Variants in CD48 observed in about 807,000 individuals in gnomAD.
CD48 encodes CD48 molecule, also known as CD48 antigen.
CD48 carries 20 observed loss-of-function variants against 22.0 expected under a neutral mutation model. The ratio of observed to expected loss-of-function variants is 0.91; its 90% CI spans 0.64 to 1.32. The LOEUF (loss-of-function observed/expected upper bound fraction) is 1.32. CD48 is among the 40% of genes most tolerant of loss of function. The pLI, the probability that CD48 is intolerant of heterozygous loss-of-function variation, is 0.00. For synonymous variants in CD48, 110 were observed against 110.1 expected, an observed-to-expected ratio of 1.00 and a Z score of 0.01; for missense variants, 307 against 286.5, an observed-to-expected ratio of 1.07 and a Z score of -0.52.
chr1:160,697,112 C>A (rs1032916821), intron 1 of CD48, among the ~76,000 whole-genome samples: 13 of 152,188 alleles, frequency 8.5e-5, no homozygotes, highest in African/African-American at 3.1e-4. Context: ...TGCAGAACAT[C>A]TTACTGGTAA....
chr1:160,696,132 C>T (rs1486995506), intron 1 of CD48, among the ~76,000 whole-genome samples: 1 of 152,250 alleles, frequency 6.6e-6, no homozygotes, highest in Non-Finnish European at 1.5e-5. Flanking sequence ...CTGATGGTTC[C>T]AGCAATGGAA....
chr1:160,701,458 T>C (rs138751495), intron 1 of CD48, among the ~76,000 whole-genome samples: 3,007 of 151,996 alleles, frequency 0.02, 64 homozygotes, highest in Middle Eastern at 0.037. Flanking sequence ...GAGTTTTAGG[T>C]TTCCATTGTA....
intron 1 of CD48, among the ~76,000 whole-genome samples, chr1:160,698,384 A>G (rs897061107): frequency 4.5e-4 from 68 of 152,318 alleles, no homozygotes; most frequent in African/African-American, 1.6e-3. Context: ...AAATAGATCC[A>G]AAAGATTCAT....
rs370612487 is a variant in CD48, at chr1:160,678,787, A to G, written c.*265T>C. ...TTATATCAAATGTTTATTTTAAAAA[A>G]TAATAAAACATTCACATAATGTTGT... On this transcript the variant is annotated 3_prime_UTR_variant, in exon 4 of 4. Coordinates refer to ENST00000368046, the MANE Select transcript of CD48 (RefSeq NM_001778.4). The G allele has an allele frequency of 3.8e-5, 12 of 313,632 alleles. No individual in the cohort carries two copies. The highest frequency in any genetic ancestry group is 3.4e-4 in the South Asian group (5 of 14,504). The allele number at this position is 313,632 out of a possible 1,614,324, so 19.4% of individuals were successfully genotyped here.
intron 1 of CD48, among the ~76,000 whole-genome samples, chr1:160,696,627 G>A (rs1045418860): frequency 6.6e-6 from 1 of 151,640 alleles, no homozygotes; most frequent in East Asian, 1.9e-4. Flanking sequence ...CCACTCAAGA[G>A]GCAGGAGTTA....
chr1:160,686,126 A>G (rs950626093), intron 1 of CD48, among the ~76,000 whole-genome samples: 1 of 152,064 alleles, frequency 6.6e-6, no homozygotes, highest in African/African-American at 2.4e-5. Context: ...TTTTACAGAG[A>G]AAGGCTCAAG....
Position 160,678,749 on chromosome 1 carries a change from A to G in CD48, c.*303T>C. ...AGATTTGGGACAACTTCAGGAATTC[A>G]GTTAATTGACAATTATATCAAATGT... On this transcript the variant is annotated 3_prime_UTR_variant, in exon 4 of 4. Transcript: ENST00000368046. 1 of 241,658 alleles carries G rather than the reference A, an allele frequency of 4.1e-6. No homozygotes were observed. Among genetic ancestry groups the G allele is most frequent in the East Asian group, 1.0e-4 (1 of 9,844 alleles). 15.0% of individuals were successfully genotyped at this position (241,658 alleles called of 1,614,324 possible).
intron 2 of CD48, among the ~76,000 whole-genome samples, chr1:160,682,290 A>G (rs1661836247): frequency 6.6e-6 from 1 of 150,936 alleles, no homozygotes; most frequent in South Asian, 2.1e-4. Context: ...TTCTAAAAAA[A>G]AAAAAGAAAG....
Position 160,685,202 on chromosome 1 carries a change from T to A in CD48, c.83-13A>T, listed in dbSNP as rs187395588. 1 of 1,594,636 alleles carries A rather than the reference T, an allele frequency of 6.3e-7. No homozygotes were observed. Among genetic ancestry groups the A allele is most frequent in the Non-Finnish European group, 8.6e-7 (1 of 1,167,566 alleles). ...TGTACCAAGTGACCTGCCAATGAGA[T>A]TCAGAGTGAGACCTGCGCTAGAGGA... On this transcript the variant is annotated splice_polypyrimidine_tract_variant and intron_variant, in intron 1 of 3. Transcript: ENST00000368046.
chr1:160,709,322 C>T lies in CD48; in HGVS notation c.82+2360G>A, dbSNP rs150464096. The stretch of plus-strand genomic sequence containing the variant: ...CCAGGTTTTCATCTGTATCGGATTC[C>T]GCATGTGTCACAATTGCAAAGCAAT... On this transcript the variant is annotated intron_variant, in intron 1 of 3. Transcript: ENST00000368046. Among the ~76,000 whole-genome samples, 146 of 152,126 alleles carry T rather than the reference C, an allele frequency of 9.6e-4. 2 individuals are homozygous for T. The highest frequency in any genetic ancestry group is 1.7e-3 in the Non-Finnish European group (116 of 67,976).
chr1:160,696,185 C>T (rs1383069904), intron 1 of CD48, among the ~76,000 whole-genome samples: 3 of 152,404 alleles, frequency 2.0e-5, no homozygotes, highest in Admixed American at 6.5e-5. Context: ...ATCAAAACTC[C>T]ATATCAATCG....
chr1:160,688,789 C>T (rs1010307894), intron 1 of CD48, among the ~76,000 whole-genome samples: 1 of 152,066 alleles, frequency 6.6e-6, no homozygotes, highest in African/African-American at 2.4e-5. Context: ...ATGAGCTGAT[C>T]CTCCTATGCA....
intron 3 of CD48, 66 bp from the exon 4 acceptor site, chr1:160,679,197 C>A: frequency 1.6e-6 from 2 of 1,258,840 alleles, no homozygotes; most frequent in East Asian, 2.3e-5. Flanking sequence ...TGAGAAGGGG[C>A]AAGTGTACTG....
chr1:160,700,943 A>C (rs1021195817), intron 1 of CD48, among the ~76,000 whole-genome samples: 8 of 152,060 alleles, frequency 5.3e-5, no homozygotes, highest in African/African-American at 7.2e-5. Context: ...TCAATTCTTT[A>C]TCAGTGGGGG....
In CD48 at chr1:160,684,974, G is replaced by A. The variant is rs758389561; in HGVS notation, c.298C>T (p.Gln100Ter). 2 of 1,614,032 alleles carry A rather than the reference G, an allele frequency of 1.2e-6. No individual in the cohort carries two copies. The highest frequency in any genetic ancestry group is 1.1e-5 in the South Asian group (1 of 91,072). The stretch of plus-strand genomic sequence containing the variant: ...ATGTAGGTGCTGTTGTCCTCTTTCT[G>A]GACCTTAGAGATGTACAGTGCGCCA... ...QSGALYISKVQKEDNSTYIMR... is the reference protein window; with the variant it reads ...QSGALYISKV Residue 100 changes from glutamine (Q) to a stop codon, truncating the protein, a stop_gained, in exon 2 of 4, where the codon CAG becomes TAG. Transcript: ENST00000368046. LOFTEE classifies it high-confidence loss of function.
intron 1 of CD48, among the ~76,000 whole-genome samples, chr1:160,706,901 CA>C (rs1042572318): frequency 1.3e-5 from 2 of 152,090 alleles, no homozygotes; most frequent in African/African-American, 2.4e-5. Context: ...TCCAATAAAA[CA>C]AGACACATGG....
chr1:160,685,246 C>G, intron 1 of CD48, 57 bp from the exon 2 acceptor site: 1 of 1,355,424 alleles, frequency 7.4e-7, no homozygotes, highest in Non-Finnish European at 1.0e-6. Flanking sequence ...TGCTGACAGG[C>G]CCAGGGTATA....
At chr1:160,692,878 T>C (rs551136348) in intron 1 of CD48, among the ~76,000 whole-genome samples, 6 of 152,302 alleles carry the variant, frequency 3.9e-5, no homozygotes, top group African/African-American at 1.2e-4. Flanking sequence ...ACTCCCCTTA[T>C]ATGAGGACAT....
At chr1:160,681,704 G>A (rs565999138) in intron 2 of CD48, among the ~76,000 whole-genome samples, 22 of 152,244 alleles carry the variant, frequency 1.4e-4, no homozygotes, top group African/African-American at 3.1e-4. Flanking sequence ...TGGAGGGGGC[G>A]CCACAGTCCA....
Sources: gnomAD v4.1 joint callset for allele counts (sites outside exome capture counted in the v4.1 genomes callset) on GRCh38, gnomAD v4.1.1 for gene constraint, MANE v1.5 for transcripts, NCBI Gene and HGNC (gene_info 2026-07-23, HGNC 2026-07-21) for gene names.